Variants in CSMD2 observed in about 807,000 individuals in gnomAD.
The protein encoded by CSMD2 is CUB and Sushi multiple domains 2, also known as CUB and sushi domain-containing protein 2.
CSMD2 carries 130 observed loss-of-function variants against 398.5 expected under a neutral mutation model. The observed-to-expected ratio is 0.33, with a 90% CI of 0.28 to 0.38. The LOEUF (loss-of-function observed/expected upper bound fraction) is 0.38, where lower values mean the gene tolerates loss of function less well. Ranked by LOEUF, CSMD2 falls within the 10% of genes least tolerant of loss-of-function variation. The pLI is 1.00. For synonymous variants in CSMD2, 1,828 were observed against 1,908.5 expected, an observed-to-expected ratio of 0.96 and a Z score of 1.10; for missense variants, 3,829 against 4,764.9, an observed-to-expected ratio of 0.80 and a Z score of 5.78.
In CSMD2 at chr1:33,592,555, C is replaced by T. The variant is rs1639535720; in HGVS notation, c.6857-5387G>A. ...ACCACAAAGTGATTGGAATGTGTAG[C>T]TAATCATATTGTGTTAAGGTTTTGG... On this transcript the variant is annotated intron_variant, in intron 44 of 70. Coordinates refer to ENST00000373381, the MANE Select transcript of CSMD2 (RefSeq NM_001281956.2). 3 of 716,102 alleles carry T rather than the reference C, an allele frequency of 4.2e-6. No individual in the cohort carries two copies. The South Asian group carries it at 4.4e-5, about 11-fold the overall frequency. The allele number at this position is 716,102 out of a possible 1,614,324, so 44.4% of individuals were successfully genotyped here. A position where few individuals can be genotyped will look rare whatever the true frequency, so the allele number is the denominator to read the frequency against.
At chr1:33,747,928 A>C (rs1647611863) in intron 13 of CSMD2, among the ~76,000 whole-genome samples, 2 of 152,364 alleles carry the variant, frequency 1.3e-5, no homozygotes, top group Admixed American at 1.3e-4. Flanking sequence ...AAATGTGAAC[A>C]ACAAAAAAGG....
intron 1 of CSMD2, among the ~76,000 whole-genome samples, chr1:34,128,819 T>G (rs1409026120): frequency 6.6e-6 from 1 of 152,064 alleles, no homozygotes; most frequent in Non-Finnish European, 1.5e-5. Flanking sequence ...GGACAGTGAC[T>G]AGGGATGGGG....
chr1:33,957,946 T>C (rs1216472900), intron 3 of CSMD2, among the ~76,000 whole-genome samples: 1 of 151,542 alleles, frequency 6.6e-6, no homozygotes, highest in Non-Finnish European at 1.5e-5. Flanking sequence ...TGTGTGTGTG[T>C]GTGTGTGTGT....
At chr1:33,728,094 T>A (rs1450849972) in intron 15 of CSMD2, among the ~76,000 whole-genome samples, 1 of 152,198 alleles carries the variant, frequency 6.6e-6, no homozygotes, top group Non-Finnish European at 1.5e-5. Context: ...GTTGCAGAGC[T>A]TGGATTCAGA....
At chr1:33,856,844 T>A (rs912062988) in intron 5 of CSMD2, among the ~76,000 whole-genome samples, 4 of 151,946 alleles carry the variant, frequency 2.6e-5, no homozygotes, top group African/African-American at 9.7e-5. Flanking sequence ...CATGTGACCT[T>A]GGAGAGGTGG....
intron 12 of CSMD2, among the ~76,000 whole-genome samples, chr1:33,780,220 C>A (rs1444644174): frequency 1.3e-5 from 2 of 152,164 alleles, no homozygotes; most frequent in Non-Finnish European, 2.9e-5. Flanking sequence ...GTTGTTGAAT[C>A]AGCACAAACT....
At chr1:33,729,999 T>C (rs753305079) in intron 15 of CSMD2, among the ~76,000 whole-genome samples, 1 of 152,174 alleles carries the variant, frequency 6.6e-6, no homozygotes, top group Non-Finnish European at 1.5e-5. Context: ...GACATATATG[T>C]ACAAGGTTAT....
chr1:33,847,549 A>G (rs1638357090), intron 5 of CSMD2, among the ~76,000 whole-genome samples: 1 of 152,062 alleles, frequency 6.6e-6, no homozygotes, highest in Non-Finnish European at 1.5e-5. Context: ...AGGAATAAGT[A>G]AGAAATCTTA....
At chr1:34,153,429 C>T (rs890698387) in intron 1 of CSMD2, among the ~76,000 whole-genome samples, 1 of 152,242 alleles carries the variant, frequency 6.6e-6, no homozygotes, top group Non-Finnish European at 1.5e-5. Flanking sequence ...GGATATACCA[C>T]ATTTTGTTTA....
intron 3 of CSMD2, among the ~76,000 whole-genome samples, chr1:33,947,683 C>T (rs1250233238): frequency 6.6e-6 from 1 of 152,194 alleles, no homozygotes; most frequent in Non-Finnish European, 1.5e-5. Context: ...TGATGGTGAA[C>T]AGGGCGACTG....
chr1:33,534,544 C>T (rs575467366), intron 62 of CSMD2, among the ~76,000 whole-genome samples: 7 of 152,238 alleles, frequency 4.6e-5, no homozygotes, highest in South Asian at 2.1e-4. Context: ...CTCGACACCC[C>T]GCAACCACGG....
intron 6 of CSMD2, among the ~76,000 whole-genome samples, chr1:33,844,077 A>G (rs1661124721): frequency 6.6e-6 from 1 of 152,198 alleles, no homozygotes; most frequent in Non-Finnish European, 1.5e-5. Context: ...GCTGTGCAGT[A>G]TTCCTCCTGT....
intron 2 of CSMD2, among the ~76,000 whole-genome samples, chr1:34,066,720 G>C (rs544366436): frequency 4.8e-4 from 73 of 152,210 alleles, no homozygotes; most frequent in African/African-American, 1.6e-3. Flanking sequence ...GACCAGCCAG[G>C]GGGTTGGGTA....
At chr1:33,558,965 A>G (rs1658296822) in intron 54 of CSMD2, among the ~76,000 whole-genome samples, 1 of 152,172 alleles carries the variant, frequency 6.6e-6, no homozygotes, top group African/African-American at 2.4e-5. Flanking sequence ...TTACTTCTAG[A>G]TCTCTTGTTT....
chr1:33,993,122 A>G (rs1357001212), intron 3 of CSMD2, among the ~76,000 whole-genome samples: 1 of 151,884 alleles, frequency 6.6e-6, no homozygotes, highest in Non-Finnish European at 1.5e-5. Flanking sequence ...CTATGTATAT[A>G]TCTCTATCTA....
At chr1:34,038,723 C>T (rs1570904278) in intron 2 of CSMD2, among the ~76,000 whole-genome samples, 1 of 152,188 alleles carries the variant, frequency 6.6e-6, no homozygotes, top group African/African-American at 2.4e-5. Context: ...AAGGCCATCC[C>T]AAGGGCAAAG....
At chr1:33,693,294 G>A (rs955652124) in intron 24 of CSMD2, among the ~76,000 whole-genome samples, 37 of 152,134 alleles carry the variant, frequency 2.4e-4, no homozygotes, top group African/African-American at 8.0e-4. Context: ...CAAAGGATTC[G>A]AATAAACATT....
chr1:33,910,437 A>G (rs967282123), intron 5 of CSMD2, among the ~76,000 whole-genome samples: 4 of 152,306 alleles, frequency 2.6e-5, no homozygotes, highest in South Asian at 2.1e-4. Flanking sequence ...GAGCCCTTCC[A>G]GCATCACCGC....
intron 3 of CSMD2, among the ~76,000 whole-genome samples, chr1:33,964,678 C>G (rs559185165): frequency 6.6e-6 from 1 of 152,198 alleles, no homozygotes; most frequent in Non-Finnish European, 1.5e-5. Context: ...GATGGATGCA[C>G]AACCCCTCCC....
Sources: gnomAD v4.1 joint callset for allele counts (sites outside exome capture counted in the v4.1 genomes callset) on GRCh38, gnomAD v4.1.1 for gene constraint, MANE v1.5 for transcripts, NCBI Gene and HGNC (gene_info 2026-07-23, HGNC 2026-07-21) for gene names.